SPTLC1: variants seen among roughly 807,000 people sequenced by gnomAD.
The protein encoded by SPTLC1 is serine palmitoyltransferase long chain base subunit 1, also known as serine palmitoyltransferase 1.
In SPTLC1, 55 loss-of-function variants were observed where a neutral mutation model predicts 68.9. That is an observed-to-expected ratio of 0.80 (90% CI 0.64 to 1.00). The LOEUF (loss-of-function observed/expected upper bound fraction) is 1.00, where lower values mean the gene tolerates loss of function less well. Among genes scored for constraint, SPTLC1 ranks in the 50% least tolerant of loss-of-function variants. SPTLC1 has a pLI of 0.00. For missense variants in SPTLC1, 449 were observed against 573.1 expected (o/e 0.78, Z 2.21); for synonymous variants, 197 against 201.6 (o/e 0.98, Z 0.19).
intron 12 of SPTLC1, among the ~76,000 whole-genome samples, chr9:92,041,893 C>T (rs1017972861): frequency 6.6e-6 from 1 of 152,024 alleles, no homozygotes; most frequent in African/African-American, 2.4e-5. Context: ...GGATAAAGTT[C>T]AACGTCTATT....
intron 3 of SPTLC1, among the ~76,000 whole-genome samples, chr9:92,101,281 G>C (rs1835738684): frequency 6.6e-6 from 1 of 151,978 alleles, no homozygotes; most frequent in African/African-American, 2.4e-5. Flanking sequence ...AAAACAAACA[G>C]GCCAGGCGTG....
rs752266889 is a variant in SPTLC1, at chr9:92,032,548, C to T, written c.1339G>A (p.Val447Met). ...TCCTCTGTTTGTTCCACCGTGACCA[C>T]AACCCGAATGCTGAGAACAGTAAAG... Reference protein sequence around the residue: ...KCLPPPSIRVVVTVEQTEEEL... With the variant: ...KCLPPPSIRVMVTVEQTEEEL... The change falls in exon 15 of 15, where the codon GTG (valine) becomes ATG (methionine). Residue 447 changes from valine to methionine, a missense_variant. Transcript: ENST00000262554. The T allele has an allele frequency of 6.2e-7, 1 of 1,614,164 alleles. No individual in the cohort carries two copies. The highest frequency in any genetic ancestry group is 8.5e-7 in the Non-Finnish European group (1 of 1,180,038).
At chr9:92,097,147 CAATAA>C (rs1835555552) in intron 3 of SPTLC1, among the ~76,000 whole-genome samples, 1 of 152,094 alleles carries the variant, frequency 6.6e-6, no homozygotes, top group African/African-American at 2.4e-5. Flanking sequence ...AGGATGGCTA[CAATAA>C]AATAGAAAAT....
chr9:92,040,238 T>C (rs970923898), intron 12 of SPTLC1, among the ~76,000 whole-genome samples: 9 of 150,674 alleles, frequency 6.0e-5, no homozygotes, highest in Admixed American at 5.3e-4. Context: ...GGTGTGGTGG[T>C]GGACACCTAT....
intron 5 of SPTLC1, among the ~76,000 whole-genome samples, chr9:92,076,174 C>T (rs918290351): frequency 1.3e-5 from 2 of 152,182 alleles, no homozygotes; most frequent in African/African-American, 4.8e-5. Context: ...CATCCTCCAC[C>T]GCCACCCTGT....
chr9:92,085,405 T>C (rs1267423019), intron 3 of SPTLC1, among the ~76,000 whole-genome samples: 4 of 151,922 alleles, frequency 2.6e-5, no homozygotes, highest in African/African-American at 7.3e-5. Context: ...CTCTACACAC[T>C]GCTTTGAATG....
In SPTLC1 at chr9:92,047,682, G is replaced by A. The variant is rs1419653927; in HGVS notation, c.915C>T (p.Ala305=). 2 of 1,613,044 alleles carry A rather than the reference G, an allele frequency of 1.2e-6. No homozygotes were observed. Among genetic ancestry groups the A allele is most frequent in the Admixed American group, 3.3e-5 (2 of 59,992 alleles). Residue 305 remains alanine, a synonymous_variant, in exon 10 of 15, where the codon GCC becomes GCT. Transcript: ENST00000262554. ...INIDDIDLIS[A]NMENALASIG... ...TAGAAGCAAGTGCATTCTCCATGTT[G>A]GCACTGATAAGATCAATATCATCAA...
chr9:92,076,761 C>T (rs1181011958), intron 5 of SPTLC1: 1 of 152,196 alleles, frequency 6.6e-6, no homozygotes, highest in Non-Finnish European at 1.5e-5. Flanking sequence ...GGCAAATTGA[C>T]TCTACTCTTA....
At chr9:92,046,833 C>T (rs1185304184) in intron 11 of SPTLC1, among the ~76,000 whole-genome samples, 1 of 152,168 alleles carries the variant, frequency 6.6e-6, no homozygotes, top group Non-Finnish European at 1.5e-5. Flanking sequence ...GCTGATTTCT[C>T]AAAAAACTAT....
chr9:92,085,181 TC>T (rs1381308623), intron 3 of SPTLC1, among the ~76,000 whole-genome samples: 62 of 151,488 alleles, frequency 4.1e-4, no homozygotes, highest in Non-Finnish European at 8.0e-4. Context: ...GTTGATCCTT[TC>T]AAAAAACCAG....
intron 3 of SPTLC1, among the ~76,000 whole-genome samples, chr9:92,081,618 G>T (rs887783027): frequency 3.3e-5 from 5 of 152,218 alleles, no homozygotes; most frequent in African/African-American, 9.6e-5. Flanking sequence ...TTCGAGCCAT[G>T]AGCCATGTTT....
At chr9:92,048,653 T>C (rs969171387) in intron 9 of SPTLC1, among the ~76,000 whole-genome samples, 5 of 152,198 alleles carry the variant, frequency 3.3e-5, no homozygotes, top group African/African-American at 1.2e-4. Context: ...GTTTCATCTA[T>C]AAACATTGCA....
rs774007054 is a variant in SPTLC1, at chr9:92,055,477, A to G, written c.708T>C (p.Arg236=). 40 of 1,613,752 alleles carry G rather than the reference A, an allele frequency of 2.5e-5. No individual in the cohort carries two copies. The highest frequency in any genetic ancestry group is 3.4e-5 in the Non-Finnish European group (40 of 1,179,996). Residue 236 remains arginine (R), a synonymous_variant, in exon 8 of 15, where the codon CGT becomes CGC. Transcript: ENST00000262554. ...CTACTACAATGAAACGCCGAGTTACACGAGCCTTGCGAGGATTCTTTAAAA... is the reference window on the plus strand; with the variant it reads ...CTACTACAATGAAACGCCGAGTTACGCGAGCCTTGCGAGGATTCTTTAAAA... The part of the protein sequence containing the change: ...IEDQKNPRKA[R]VTRRFIVVEG...
intron 6 of SPTLC1, among the ~76,000 whole-genome samples, chr9:92,067,695 C>G (rs1304347060): frequency 3.3e-5 from 5 of 152,190 alleles, no homozygotes. Context: ...GGATACCACA[C>G]AGCCACAGAG....
chr9:92,087,735 T>A (rs1835203543), intron 3 of SPTLC1, among the ~76,000 whole-genome samples: 1 of 152,214 alleles, frequency 6.6e-6, no homozygotes, highest in African/African-American at 2.4e-5. Context: ...CGTTCTCAGA[T>A]CTCCAGCTGC....
intron 6 of SPTLC1, among the ~76,000 whole-genome samples, chr9:92,060,826 T>C (rs185251194): frequency 1.4e-5 from 2 of 147,440 alleles, no homozygotes; most frequent in East Asian, 4.0e-4. Flanking sequence ...GGCAGGAGAA[T>C]GGTGTGAACC....
Position 92,105,167 on chromosome 9 carries a change from C to G in SPTLC1, c.260+3573G>C, listed in dbSNP as rs1215936795. ...ACCCAGAGCTGCCGGCCACAGGTCC[C>G]GCAAAAGAAAACTGTCGGGGCCACC... On this transcript the variant is annotated intron_variant, in intron 3 of 14. Transcript: ENST00000262554. 9 of 1,533,986 alleles carry G rather than the reference C, an allele frequency of 5.9e-6. No individual in the cohort carries two copies. In the Admixed American group the frequency reaches 1.8e-4, roughly 30 times the overall value.
At chr9:92,032,598 C>T in intron 14 of SPTLC1, 40 bp from the exon 15 acceptor site, 1 of 1,613,438 alleles carries the variant, frequency 6.2e-7, no homozygotes. Context: ...TCTTTGTGGG[C>T]CAGGCGCAGT....
chr9:92,068,958 C>T (rs1834385503), intron 5 of SPTLC1, among the ~76,000 whole-genome samples: 1 of 152,154 alleles, frequency 6.6e-6, no homozygotes, highest in Non-Finnish European at 1.5e-5. Flanking sequence ...GCTCTTTTAA[C>T]TATGGCAGGA....
Sources: gnomAD v4.1 joint callset for allele counts (sites outside exome capture counted in the v4.1 genomes callset) on GRCh38, gnomAD v4.1.1 for gene constraint, MANE v1.5 for transcripts, NCBI Gene and HGNC (gene_info 2026-07-23, HGNC 2026-07-21) for gene names.